Variants in PTPRD observed in about 807,000 individuals in gnomAD.
PTPRD encodes the protein receptor-type tyrosine-protein phosphatase delta.
Under a neutral mutation model 214.5 loss-of-function variants are expected in PTPRD, and 34 were observed. The observed-to-expected ratio is 0.16, with a 90% CI of 0.12 to 0.21. The LOEUF is 0.21. Among genes scored for constraint, PTPRD ranks in the 10% least tolerant of loss-of-function variants. The pLI is 1.00. For synonymous variants in PTPRD, 1,128 were observed against 845.7 expected (o/e 1.33, Z -5.79); for missense variants, 2,545 against 2,398.7 (o/e 1.06, Z -1.27).
At chr9:9,772,772 C>T (rs1438738073) in intron 5 of PTPRD, among the ~76,000 whole-genome samples, 1 of 149,672 alleles carries the variant, frequency 6.7e-6, no homozygotes, top group East Asian at 2.3e-4. Context: ...CATCTTCACT[C>T]ATTGCTGGTG....
intron 2 of PTPRD, among the ~76,000 whole-genome samples, chr9:10,419,444 T>G (rs537631474): frequency 7.9e-4 from 120 of 151,944 alleles, no homozygotes; most frequent in African/African-American, 2.8e-3. Context: ...ATGGCCATTA[T>G]AAACATTAAA....
At chr9:10,231,310 AG>A (rs1328051511) in intron 3 of PTPRD, among the ~76,000 whole-genome samples, 2 of 151,382 alleles carry the variant, frequency 1.3e-5, no homozygotes, top group African/African-American at 4.9e-5. Context: ...AGAGGCTGTG[AG>A]GGGGGAAAAC....
intron 7 of PTPRD, among the ~76,000 whole-genome samples, chr9:9,722,766 GA>G (rs1208096191): frequency 2.0e-5 from 3 of 152,056 alleles, no homozygotes; most frequent in Admixed American, 2.0e-4. Flanking sequence ...CCTAGTGGGT[GA>G]GAAGCAGTAC....
intron 6 of PTPRD, among the ~76,000 whole-genome samples, chr9:9,763,833 G>T (rs986933653): frequency 6.6e-6 from 1 of 151,956 alleles, no homozygotes; most frequent in Admixed American, 6.6e-5. Context: ...GTCACAGAAA[G>T]AATTGAAAAT....
intron 2 of PTPRD, among the ~76,000 whole-genome samples, chr9:10,529,859 A>T (rs1008974707): frequency 6.6e-6 from 1 of 151,946 alleles, no homozygotes; most frequent in Non-Finnish European, 1.5e-5. Flanking sequence ...GACAATGAGA[A>T]CACATGGAAA....
chr9:9,042,336 G>C (rs923445485), intron 10 of PTPRD, among the ~76,000 whole-genome samples: 11 of 152,128 alleles, frequency 7.2e-5, no homozygotes, highest in Non-Finnish European at 1.5e-4. Context: ...AACATCTCTA[G>C]GTCAACCACT....
intron 4 of PTPRD, among the ~76,000 whole-genome samples, chr9:9,948,297 A>T (rs1002881636): frequency 3.9e-5 from 6 of 152,034 alleles, no homozygotes; most frequent in African/African-American, 1.4e-4. Flanking sequence ...TCAATTTTTA[A>T]AAAATGTGAC....
At chr9:8,499,530 T>C in intron 25 of PTPRD, 117 bp downstream of exon 25, 1 of 1,048,950 alleles carries the variant, frequency 9.5e-7, no homozygotes, top group Non-Finnish European at 1.4e-6. Flanking sequence ...AAATGAAAAC[T>C]AGAATTTTGT....
At chr9:9,511,627 G>A (rs2096711589) in intron 8 of PTPRD, among the ~76,000 whole-genome samples, 1 of 151,590 alleles carries the variant, frequency 6.6e-6, no homozygotes, top group African/African-American at 2.4e-5. Flanking sequence ...CTCTTGCATT[G>A]CTTTAATTCA....
chr9:9,466,428 G>A (rs1009607477), intron 8 of PTPRD, among the ~76,000 whole-genome samples: 1 of 152,154 alleles, frequency 6.6e-6, no homozygotes, highest in African/African-American at 2.4e-5. Flanking sequence ...CATCTGTAGT[G>A]AAACTGCAGA....
intron 7 of PTPRD, among the ~76,000 whole-genome samples, chr9:9,602,250 C>A (rs1227340985): frequency 6.6e-6 from 1 of 151,968 alleles, no homozygotes. Context: ...AAAAAATATA[C>A]ATGATAAAAT....
rs1391915097 is a variant in PTPRD at position 8,319,939 on chromosome 9, G to C, written c.5562C>G (p.Phe1854Leu). The change falls in exon 45 of 46, where the codon TTC (phenylalanine) becomes TTG (leucine). Residue 1854 changes from phenylalanine (F) to leucine (L), a missense_variant. Physicochemically the swap from Phe to Leu is conservative, Grantham distance 22. Coordinates refer to ENST00000381196, the MANE Select transcript of PTPRD (RefSeq NM_002839.4). ...CSAGVGRTGV[F>L]ITLSIVLERM... Reference sequence around the variant, plus strand: ...TTTCCAAAACAATGCTTAGCGTTATGAAGACTCCAGTTCTTCCAACGCCCG... The same window carrying C: ...TTTCCAAAACAATGCTTAGCGTTATCAAGACTCCAGTTCTTCCAACGCCCG... 1 of 1,612,640 alleles carries C rather than the reference G, an allele frequency of 6.2e-7. No individual in the cohort carries two copies. Among genetic ancestry groups the C allele is most frequent in the Admixed American group, 1.7e-5 (1 of 59,756 alleles).
chr9:10,075,014 T>A (rs911389662), intron 3 of PTPRD, among the ~76,000 whole-genome samples: 8 of 152,166 alleles, frequency 5.3e-5, no homozygotes, highest in Admixed American at 5.2e-4. Flanking sequence ...AAAAATAAAA[T>A]TTGAATAAAT....
chr9:9,122,230 C>G (rs2099818268), intron 10 of PTPRD, among the ~76,000 whole-genome samples: 2 of 152,242 alleles, frequency 1.3e-5, no homozygotes, highest in South Asian at 4.1e-4. Flanking sequence ...TCTAGCTTTG[C>G]TGATTAAGAG....
intron 14 of PTPRD, among the ~76,000 whole-genome samples, chr9:8,586,159 G>T (rs530739159): frequency 1.2e-4 from 18 of 152,126 alleles, no homozygotes; most frequent in Non-Finnish European, 2.2e-4. Context: ...AATTAGCTAG[G>T]CGTGGCGGCG....
chr9:10,069,450 A>T (rs2097951773), intron 3 of PTPRD, among the ~76,000 whole-genome samples: 1 of 151,992 alleles, frequency 6.6e-6, no homozygotes. Context: ...TCTCCTCTAC[A>T]TACCTTTCCA....
chr9:8,501,553 T>G (rs1197475134), intron 23 of PTPRD, among the ~76,000 whole-genome samples: 1 of 152,214 alleles, frequency 6.6e-6, no homozygotes, highest in Non-Finnish European at 1.5e-5. Flanking sequence ...GCTTCTTAAG[T>G]GTGAAAAGTT....
In PTPRD at chr9:8,618,532, G is replaced by A. The variant is rs367662216; in HGVS notation, c.352+14785C>T. 3.3e-5 allele frequency among the ~76,000 whole-genome samples: 5 copies of A among 152,042 alleles called. No homozygotes were observed. In the South Asian group the frequency reaches 8.3e-4, roughly 25 times the overall value. ...TACTTGCTAGATTCTCAGACCAATG[G>A]TATGGTATCTTGACAATCTCCATCT... On this transcript the variant is annotated intron_variant, in intron 14 of 45. Transcript: ENST00000381196.
chr9:10,013,066 C>A (rs10958815), intron 4 of PTPRD, among the ~76,000 whole-genome samples: 72,723 of 151,786 alleles, frequency 0.48, 20,790 homozygotes, highest in Middle Eastern at 0.67. Flanking sequence ...AGTGGCAAAT[C>A]AATGATTTGA....
Sources: gnomAD v4.1 joint callset for allele counts (sites outside exome capture counted in the v4.1 genomes callset) on GRCh38, gnomAD v4.1.1 for gene constraint, MANE v1.5 for transcripts, NCBI Gene and HGNC (gene_info 2026-07-23, HGNC 2026-07-21) for gene names.